NTRK3: variants seen among roughly 807,000 people sequenced by gnomAD.
The protein encoded by NTRK3 is NT-3 growth factor receptor.
NTRK3 carries 24 observed loss-of-function variants against 91.7 expected under a neutral mutation model. The observed-to-expected ratio is 0.26, with a 90% CI of 0.19 to 0.37. The LOEUF is 0.37. NTRK3 is among the 10% of genes least tolerant of loss of function. NTRK3 has a pLI of 1.00. For synonymous variants in NTRK3, 483 were observed against 404.0 expected (o/e 1.20, Z -2.34); for missense variants, 880 against 1,068.9 (o/e 0.82, Z 2.46).
rs966953446 is a variant in NTRK3, at chr15:88,234,137, G to A, written c.248+21769C>T. ...CCAGGCCAGCCTGCCAGGCAGCCTG[G>A]ACCTTCAGTCAGGAGACGATGGACA... is the stretch of plus-strand genomic sequence containing the variant. On this transcript the variant is annotated intron_variant, in intron 3 of 18. Coordinates refer to ENST00000394480, the Ensembl canonical transcript of NTRK3. This position sits in a 1 kb window ranked among gnomAD's most constrained non-coding sequence, Gnocchi z 6.1. Among the ~76,000 whole-genome samples, 5 of 151,972 alleles carry A rather than the reference G, an allele frequency of 3.3e-5. No homozygotes were observed. Among genetic ancestry groups the A allele is most frequent in the African/African-American group, 1.2e-4 (5 of 41,368 alleles).
chr15:87,862,976 T>C (rs1209752602), exon 19 of NTRK3: 12 of 230,274 alleles, frequency 5.2e-5, no homozygotes, highest in African/African-American at 6.6e-5. Context: ...GACTTGTACA[T>C]TGTGAGAAAT....
intron 14 of NTRK3, among the ~76,000 whole-genome samples, chr15:87,942,151 C>G (rs898439554): frequency 1.3e-5 from 2 of 152,194 alleles, no homozygotes; most frequent in African/African-American, 4.8e-5. Flanking sequence ...CCTTGGTATC[C>G]CCACAGTGTC....
chr15:87,918,145 T>C (rs2067588860), intron 17 of NTRK3, among the ~76,000 whole-genome samples: 1 of 152,204 alleles, frequency 6.6e-6, no homozygotes, highest in African/African-American at 2.4e-5. Flanking sequence ...ACTCTATGGC[T>C]ACCACTGTGG....
At chr15:88,129,884 T>G (rs1160803089) in intron 10 of NTRK3, among the ~76,000 whole-genome samples, 1 of 152,188 alleles carries the variant, frequency 6.6e-6, no homozygotes, top group Non-Finnish European at 1.5e-5. Flanking sequence ...GGAGAAAAGG[T>G]CTTTAAAGAT....
At chr15:87,870,708 T>C (rs2064807933) in exon 19 of NTRK3, 1 of 222,536 alleles carries the variant, frequency 4.5e-6, no homozygotes, top group Admixed American at 5.7e-5. Context: ...TTATCATTGC[T>C]AAAATGAGAA....
At chr15:88,160,479 C>T (rs1042397176) in intron 5 of NTRK3, among the ~76,000 whole-genome samples, 7 of 152,218 alleles carry the variant, frequency 4.6e-5, no homozygotes, top group Non-Finnish European at 8.8e-5. Flanking sequence ...GAGTGGCCAG[C>T]GCAGAAGAGT....
intron 3 of NTRK3, among the ~76,000 whole-genome samples, chr15:88,204,596 C>A (rs1186859157): frequency 6.6e-6 from 1 of 152,178 alleles, no homozygotes; most frequent in Non-Finnish European, 1.5e-5. Context: ...TGTATCTTTT[C>A]TCCCCTCAGA....
intron 3 of NTRK3, among the ~76,000 whole-genome samples, chr15:88,227,266 C>T (rs1017101179): frequency 6.6e-6 from 1 of 152,204 alleles, no homozygotes; most frequent in Admixed American, 6.5e-5. Context: ...TCCCACCAAC[C>T]TATCACCAGC....
intron 17 of NTRK3, among the ~76,000 whole-genome samples, chr15:87,883,116 T>A (rs938186354): frequency 5.8e-5 from 2 of 34,570 alleles, no homozygotes; most frequent in African/African-American, 1.0e-4. Flanking sequence ...CATATACATG[T>A]ATATATATAT....
chr15:88,200,663 G>A (rs149511873), intron 3 of NTRK3, among the ~76,000 whole-genome samples: 1 of 152,178 alleles, frequency 6.6e-6, no homozygotes, highest in African/African-American at 2.4e-5. Context: ...CTTCTGCCAT[G>A]ACTGTAAGTT....
intron 17 of NTRK3, among the ~76,000 whole-genome samples, chr15:87,914,496 G>C (rs1441425714): frequency 1.3e-5 from 2 of 152,184 alleles, no homozygotes; most frequent in Non-Finnish European, 2.9e-5. Flanking sequence ...GGCAAGTGGG[G>C]ACATTACTCT....
intron 10 of NTRK3, among the ~76,000 whole-genome samples, chr15:88,132,459 A>C (rs914642258): frequency 1.3e-5 from 2 of 152,180 alleles, no homozygotes; most frequent in African/African-American, 4.8e-5. Flanking sequence ...ACTAAGCCCC[A>C]TGCTAGGAGC....
At chr15:88,135,530 C>T (rs974782755) in intron 9 of NTRK3, 133 bp from the exon 10 acceptor site, 3 of 1,020,048 alleles carry the variant, frequency 2.9e-6, no homozygotes, top group African/African-American at 3.2e-5. Flanking sequence ...GCAGAAGTCC[C>T]ACCACAATCC....
At chr15:88,034,807 T>G (rs1417444392) in intron 13 of NTRK3, among the ~76,000 whole-genome samples, 2 of 152,222 alleles carry the variant, frequency 1.3e-5, no homozygotes, top group Non-Finnish European at 2.9e-5. Flanking sequence ...GGAGACCGTA[T>G]GGAAAAGTAG....
rs374211777 is a variant in NTRK3 at position 88,156,657 on chromosome 15, C to G, written c.396-9254G>C. ...CTCTGCAGACGGCTAGCACCACCCA[C>G]TCTAAAATCTTCTTTCCCTCCGCTT... On this transcript the variant is annotated intron_variant, in intron 5 of 18. Transcript: ENST00000394480. Among the ~76,000 whole-genome samples the G allele has an allele frequency of 9.9e-5, 15 of 152,282 alleles. No homozygotes were observed. In the East Asian group the frequency reaches 2.5e-3, roughly 26 times the overall value.
intron 14 of NTRK3, among the ~76,000 whole-genome samples, chr15:87,988,459 C>G (rs1241352911): frequency 6.6e-6 from 1 of 152,188 alleles, no homozygotes; most frequent in Non-Finnish European, 1.5e-5. Context: ...TCATTTCTTA[C>G]TTGTGACAAA....
intron 17 of NTRK3, among the ~76,000 whole-genome samples, chr15:87,901,858 A>C (rs779113235): frequency 2.0e-5 from 3 of 152,156 alleles, no homozygotes; most frequent in African/African-American, 7.2e-5. Flanking sequence ...AGAAAAATCC[A>C]AGTCTTGTAC....
rs770758775 is a variant in NTRK3 at position 87,946,866 on chromosome 15, C to T, written c.1586-6113G>A. On this transcript the variant is annotated intron_variant, in intron 14 of 18. Transcript: ENST00000394480. Reference sequence around the variant, plus strand: ...ATGATACCTTTACAGCTCTGTCTTTCGTGGGTTCTTTTTTTTTTTTTTTTT... The same window carrying T: ...ATGATACCTTTACAGCTCTGTCTTTTGTGGGTTCTTTTTTTTTTTTTTTTT... Among the ~76,000 whole-genome samples the T allele has an allele frequency of 2.9e-5, 4 of 138,454 alleles. No homozygotes were observed. In the East Asian group the frequency reaches 6.8e-4, roughly 23 times the overall value. 90.8% of individuals were successfully genotyped at this position (138,454 alleles called of 152,430 possible). A position where few individuals can be genotyped will look rare whatever the true frequency, so the allele number is the denominator to read the frequency against.
rs539894279 is a variant in NTRK3, at chr15:88,151,890, T to G, written c.396-4487A>C. Among the ~76,000 whole-genome samples, 254 of 152,352 alleles carry G rather than the reference T, an allele frequency of 1.7e-3. 2 individuals carry two copies. The highest frequency in any genetic ancestry group is 4.7e-3 in the Admixed American group (72 of 15,304). On this transcript the variant is annotated intron_variant, in intron 5 of 18. Coordinates refer to ENST00000394480, the Ensembl canonical transcript of NTRK3. ...CTATTAAACCAGACTGCCTCACCTG[T>G]GTACTCCCACTCCAGCTCCTGGATG...
Sources: gnomAD v4.1 joint callset for allele counts (sites outside exome capture counted in the v4.1 genomes callset) on GRCh38, gnomAD v4.1.1 for gene constraint, Gnocchi (gnomAD v3.1) non-coding constraint, MANE v1.5 for transcripts, NCBI Gene and HGNC (gene_info 2026-07-23, HGNC 2026-07-21) for gene names.